Variants in SMG6 observed in about 807,000 individuals in gnomAD.
SMG6 encodes the protein telomerase-binding protein EST1A.
A neutral mutation model predicts 142.2 loss-of-function variants in SMG6; 66 were observed. The ratio of observed to expected loss-of-function variants is 0.46; its 90% CI spans 0.38 to 0.57. SMG6 has a LOEUF of 0.57. Ranked by LOEUF, SMG6 falls within the 20% of genes least tolerant of loss-of-function variation. The probability of loss-of-function intolerance (pLI) is 0.00; values close to 1 mark genes in which losing one functional copy is unlikely to be tolerated. For missense variants in SMG6, 1,793 were observed against 1,832.0 expected (o/e 0.98, Z 0.39); for synonymous variants, 779 against 702.4 (o/e 1.11, Z -1.72).
At chr17:2,088,133 G>A in intron 13 of SMG6, 2 of 985,460 alleles carry the variant, frequency 2.0e-6, no homozygotes, top group Non-Finnish European at 2.4e-6. Flanking sequence ...GTGTGCAGAG[G>A]AAACCTGCCC....
At chr17:2,136,069 T>C (rs1287576113) in intron 13 of SMG6, among the ~76,000 whole-genome samples, 2 of 147,624 alleles carry the variant, frequency 1.4e-5, no homozygotes, top group Non-Finnish European at 3.0e-5. Context: ...TATAAATATA[T>C]ACATATTTTT....
chr17:2,181,646 A>G (rs538355354), intron 12 of SMG6, among the ~76,000 whole-genome samples: 1 of 152,354 alleles, frequency 6.6e-6, no homozygotes, highest in East Asian at 1.9e-4. Flanking sequence ...GAGAAGACTA[A>G]GCAAATATGA....
At chr17:2,117,012 A>G (rs933131938) in intron 13 of SMG6, among the ~76,000 whole-genome samples, 2 of 152,126 alleles carry the variant, frequency 1.3e-5, no homozygotes, top group African/African-American at 4.8e-5. Context: ...TAAAATCACA[A>G]TGAGAACAAC....
At chr17:2,066,267 T>C (rs928153925) in intron 16 of SMG6, among the ~76,000 whole-genome samples, 1 of 151,744 alleles carries the variant, frequency 6.6e-6, no homozygotes, top group African/African-American at 2.4e-5. Flanking sequence ...CGCGCACGTG[T>C]ATGTCTGTGT....
chr17:2,223,163 C>T (rs2073225089), intron 10 of SMG6, among the ~76,000 whole-genome samples: 2 of 152,190 alleles, frequency 1.3e-5, no homozygotes, highest in East Asian at 1.9e-4. Context: ...GATCTTTCTC[C>T]CTGCAGTCCC....
At position 2,278,196 on chromosome 17, in the gene SMG6, T is replaced by C. The variant is rs566183060; in HGVS notation, c.2661+4451A>G. ...GAAAGAATACAAGTGACTGCCACTT[T>C]ATATATACTTTTTTTTTTTTTTTTG... On this transcript the variant is annotated intron_variant, in intron 8 of 18. Coordinates refer to ENST00000263073, the MANE Select transcript of SMG6 (RefSeq NM_017575.5). Among the ~76,000 whole-genome samples the C allele has an allele frequency of 3.1e-4, 45 of 144,100 alleles. 1 individual carries two copies. In the Middle Eastern group the frequency reaches 0.011, roughly 35 times the overall value. The allele number at this position is 144,100 out of a possible 152,430, so 94.5% of individuals were successfully genotyped here.
intron 12 of SMG6, among the ~76,000 whole-genome samples, chr17:2,178,351 T>A (rs1267924571): frequency 6.6e-6 from 1 of 152,172 alleles, no homozygotes; most frequent in Admixed American, 6.5e-5. Context: ...GACACCATCC[T>A]CTAAGAATAA....
At chr17:2,237,964 C>G (rs1002983016) in intron 9 of SMG6, among the ~76,000 whole-genome samples, 1 of 152,216 alleles carries the variant, frequency 6.6e-6, no homozygotes, top group Non-Finnish European at 1.5e-5. Flanking sequence ...GGGGAAACAG[C>G]TCCAGGTTGG....
chr17:2,236,880 T>C, intron 9 of SMG6: 3 of 1,197,708 alleles, frequency 2.5e-6, no homozygotes, highest in Non-Finnish European at 2.1e-6. Flanking sequence ...AAGTTTTGGA[T>C]AAATCACTAT....
At chr17:2,185,029 T>TA (rs2071934253) in intron 12 of SMG6, among the ~76,000 whole-genome samples, 1 of 103,938 alleles carries the variant, frequency 9.6e-6, no homozygotes, top group South Asian at 3.2e-4. Flanking sequence ...AACACAGACA[T>TA]ACACTGAAAG....
chr17:2,126,940 GCACACATGCA>G (rs1250231941), intron 13 of SMG6, among the ~76,000 whole-genome samples: 4 of 151,368 alleles, frequency 2.6e-5, no homozygotes, highest in East Asian at 3.9e-4. Context: ...GCACACATGC[GCACACATGCA>G]CACACACACA....
intron 13 of SMG6, among the ~76,000 whole-genome samples, chr17:2,095,538 G>T (rs1325594616): frequency 1.3e-5 from 2 of 152,178 alleles, no homozygotes; most frequent in African/African-American, 4.8e-5. Flanking sequence ...ACTCATCACA[G>T]AACAAAGGAA....
At chr17:2,114,964 T>TAAAAAAAA in intron 13 of SMG6, among the ~76,000 whole-genome samples, 1 of 59,576 alleles carries the variant, frequency 1.7e-5, no homozygotes, top group Non-Finnish European at 3.4e-5. Context: ...AAAAATGAAA[T>TAAAAAAAA]GAAATGAAAT....
At chr17:2,176,490 C>G (rs1011202843) in intron 12 of SMG6, among the ~76,000 whole-genome samples, 1 of 152,194 alleles carries the variant, frequency 6.6e-6, no homozygotes, top group African/African-American at 2.4e-5. Flanking sequence ...GCAGGTCCTT[C>G]TGGTTTGTTC....
In SMG6 at chr17:2,061,439, C is replaced by T; in HGVS notation, c.*53G>A. 6.6e-7 allele frequency: 1 copy of T among 1,514,626 alleles called. No homozygotes were observed. 93.8% of individuals were successfully genotyped at this position (1,514,626 alleles called of 1,614,324 possible). A position where few individuals can be genotyped will look rare whatever the true frequency, so the allele number is the denominator to read the frequency against. On this transcript the variant is annotated 3_prime_UTR_variant, in exon 19 of 19. Coordinates refer to ENST00000263073, the MANE Select transcript of SMG6 (RefSeq NM_017575.5). ...GCATCTTCCGTGCTACACTGGGCGCCTGGTGGCCTTTCAGGAACGGTTCCA... is the reference window on the plus strand; with the variant it reads ...GCATCTTCCGTGCTACACTGGGCGCTTGGTGGCCTTTCAGGAACGGTTCCA...
intron 5 of SMG6, 74 bp downstream of exon 5, chr17:2,292,797 G>A: frequency 6.9e-7 from 1 of 1,439,916 alleles, no homozygotes; most frequent in Non-Finnish European, 9.8e-7. Flanking sequence ...ACACCCACAT[G>A]GCCTACTGCT....
chr17:2,114,961 A>AAATAAAATAAAATAAAATAAAAT (rs1567609058), intron 13 of SMG6, among the ~76,000 whole-genome samples: 5 of 59,550 alleles, frequency 8.4e-5, no homozygotes, highest in South Asian at 8.0e-4. Flanking sequence ...TAAAAAAATG[A>AAATAAAATAAAATAAAATAAAAT]AATGAAATGA....
intron 10 of SMG6, among the ~76,000 whole-genome samples, chr17:2,210,326 G>C (rs2072813271): frequency 2.1e-5 from 3 of 143,504 alleles, no homozygotes; most frequent in Non-Finnish European, 4.5e-5. Flanking sequence ...TCATTATGTT[G>C]CCCAGTTTGG....
chr17:2,192,485 C>T (rs552886120), intron 10 of SMG6, among the ~76,000 whole-genome samples: 2 of 152,196 alleles, frequency 1.3e-5, no homozygotes, highest in East Asian at 3.9e-4. Flanking sequence ...GCCATTCCAG[C>T]CCAGAGAACC....
Sources: allele counts gnomAD v4.1 joint callset (sites outside exome capture counted in the v4.1 genomes callset), GRCh38; gene constraint gnomAD v4.1.1; transcripts MANE v1.5; gene names NCBI Gene and HGNC (gene_info 2026-07-23, HGNC 2026-07-21).